BNC2: variants seen among roughly 807,000 people sequenced by gnomAD.
BNC2 encodes basonuclin zinc finger protein 2.
In BNC2, 20 loss-of-function variants were observed where a neutral mutation model predicts 76.3. That is an observed-to-expected ratio of 0.26 (90% CI 0.18 to 0.38). BNC2 has a LOEUF of 0.38. Ranked by LOEUF, BNC2 falls within the 10% of genes least tolerant of loss-of-function variation. The pLI is 1.00. For synonymous variants in BNC2, 582 were observed against 514.8 expected, an observed-to-expected ratio of 1.13 and a Z score of -1.77; for missense variants, 1,382 against 1,399.8, an observed-to-expected ratio of 0.99 and a Z score of 0.20.
chr9:16,417,437 A>T lies in BNC2; in HGVS notation c.*1552T>A, dbSNP rs777218610. 1 of 152,178 alleles carries T rather than the reference A, an allele frequency of 6.6e-6. No homozygotes were observed. The highest frequency in any genetic ancestry group is 2.4e-5 in the African/African-American group (1 of 41,538). The allele number at this position is 152,178 out of a possible 1,614,324, so 9.4% of individuals were successfully genotyped here. A position where few individuals can be genotyped will look rare whatever the true frequency, so the allele number is the denominator to read the frequency against. On this transcript the variant is annotated 3_prime_UTR_variant, in exon 7 of 7. Coordinates refer to ENST00000380672, the MANE Select transcript of BNC2 (RefSeq NM_017637.6). The stretch of plus-strand genomic sequence containing the variant: ...TGTGGGGAAACACAAAACACTGAAC[A>T]TTGAGAGATCCTGCTTTAAAACCCC...
intron 4 of BNC2, among the ~76,000 whole-genome samples, chr9:16,559,183 T>C (rs974082405): frequency 6.6e-6 from 1 of 152,196 alleles, no homozygotes; most frequent in Non-Finnish European, 1.5e-5. Flanking sequence ...TCAGGCATCA[T>C]TCTAGAGCAA....
At chr9:16,735,416 A>G (rs1345246505) in intron 2 of BNC2, among the ~76,000 whole-genome samples, 2 of 152,178 alleles carry the variant, frequency 1.3e-5, no homozygotes, top group African/African-American at 4.8e-5. Context: ...AAAAAAAAAA[A>G]ACAGGCTGGG....
chr9:16,638,042 G>A (rs1821379064), intron 3 of BNC2, among the ~76,000 whole-genome samples: 1 of 152,196 alleles, frequency 6.6e-6, no homozygotes, highest in Non-Finnish European at 1.5e-5. Flanking sequence ...ACTCCGAGCA[G>A]GATTGGATCC....
At chr9:16,480,362 C>G (rs1295808026) in intron 5 of BNC2, among the ~76,000 whole-genome samples, 2 of 152,228 alleles carry the variant, frequency 1.3e-5, no homozygotes, top group East Asian at 3.9e-4. Context: ...CCTCACAGCC[C>G]TCGCTCACTC....
intron 3 of BNC2, among the ~76,000 whole-genome samples, chr9:16,679,814 T>G (rs989705648): frequency 6.6e-6 from 1 of 152,264 alleles, no homozygotes; most frequent in African/African-American, 2.4e-5. Context: ...TCGGAGGAAC[T>G]TGGCTCCTGC....
intron 5 of BNC2, among the ~76,000 whole-genome samples, chr9:16,480,366 C>T (rs923107663): frequency 2.0e-5 from 3 of 152,242 alleles, no homozygotes; most frequent in African/African-American, 7.2e-5. Flanking sequence ...ACAGCCCTCG[C>T]TCACTCTCGG....
In BNC2 at chr9:16,738,503, A is replaced by G. The variant is rs774077278; in HGVS notation, c.4-18T>C. ...AGGTGTGCCTATTGAGAGATTGGGA[A>G]AGGAAATTACATATGCCCAGACAGT... On this transcript the variant is annotated intron_variant, in intron 1 of 6. Transcript: ENST00000380672. 6.2e-7 allele frequency: 1 copy of G among 1,613,674 alleles called. No individual in the cohort carries two copies. The highest frequency in any genetic ancestry group is 1.1e-5 in the South Asian group (1 of 90,976).
chr9:16,690,406 G>T (rs945306422), intron 3 of BNC2, among the ~76,000 whole-genome samples: 5 of 152,130 alleles, frequency 3.3e-5, no homozygotes, highest in African/African-American at 1.2e-4. Flanking sequence ...AAAAGGAGCC[G>T]TGAGTGTGCC....
At chr9:16,524,977 G>A (rs546416830) in intron 5 of BNC2, among the ~76,000 whole-genome samples, 1 of 151,600 alleles carries the variant, frequency 6.6e-6, no homozygotes, top group East Asian at 1.9e-4. Context: ...GAAGGCTAAG[G>A]TGGGAGGATC....
At chr9:16,600,831 A>C (rs1293415588) in intron 3 of BNC2, among the ~76,000 whole-genome samples, 2 of 152,226 alleles carry the variant, frequency 1.3e-5, no homozygotes, top group African/African-American at 4.8e-5. Flanking sequence ...CACCTGAGCT[A>C]GTAACCTGAG....
At chr9:16,603,960 CTCAAA>C (rs1820311214) in intron 3 of BNC2, among the ~76,000 whole-genome samples, 1 of 151,596 alleles carries the variant, frequency 6.6e-6, no homozygotes, top group South Asian at 2.1e-4. Context: ...TTTTTCTTTC[CTCAAA>C]TCAAAAAGAT....
At chr9:16,695,949 T>C (rs928216200) in intron 3 of BNC2, among the ~76,000 whole-genome samples, 5 of 152,188 alleles carry the variant, frequency 3.3e-5, no homozygotes, top group Middle Eastern at 3.2e-3. Flanking sequence ...CATAAGCCCA[T>C]TAACAAAGAC....
intron 5 of BNC2, among the ~76,000 whole-genome samples, chr9:16,518,464 C>T (rs1011265888): frequency 3.3e-5 from 5 of 151,902 alleles, no homozygotes; most frequent in Non-Finnish European, 5.9e-5. Flanking sequence ...AGAAAACATG[C>T]CTTTTAGGTA....
At chr9:16,860,204 A>G (rs1045629574) in intron 1 of BNC2, among the ~76,000 whole-genome samples, 2 of 152,234 alleles carry the variant, frequency 1.3e-5, no homozygotes, top group Non-Finnish European at 2.9e-5. Context: ...TCAACTTCTA[A>G]GGAACTAAGA....
At chr9:16,686,065 A>C (rs1409965988) in intron 3 of BNC2, among the ~76,000 whole-genome samples, 1 of 152,162 alleles carries the variant, frequency 6.6e-6, no homozygotes, top group African/African-American at 2.4e-5. Context: ...AAATACATTC[A>C]ACAATGCCTA....
intron 3 of BNC2, among the ~76,000 whole-genome samples, chr9:16,703,805 T>A (rs1823583828): frequency 6.6e-6 from 1 of 152,184 alleles, no homozygotes; most frequent in Non-Finnish European, 1.5e-5. Context: ...TTTTGTTACA[T>A]GACTTTCTGA....
chr9:16,856,497 T>G (rs1008842574), intron 1 of BNC2, among the ~76,000 whole-genome samples: 1 of 152,146 alleles, frequency 6.6e-6, no homozygotes, highest in African/African-American at 2.4e-5. Context: ...GGACTTGTAC[T>G]TCTAGACTCA....
At chr9:16,699,596 A>C (rs192594490) in intron 3 of BNC2, among the ~76,000 whole-genome samples, 3 of 152,368 alleles carry the variant, frequency 2.0e-5, no homozygotes, top group Admixed American at 2.0e-4. Context: ...ACAGATACCA[A>C]GTGCAAACTG....
At chr9:16,778,807 A>T (rs1826039323) in intron 1 of BNC2, among the ~76,000 whole-genome samples, 1 of 152,206 alleles carries the variant, frequency 6.6e-6, no homozygotes, top group Non-Finnish European at 1.5e-5. Context: ...TCCTCTGTTA[A>T]ATACAAAACA....
Sources: gnomAD v4.1 joint callset for allele counts (sites outside exome capture counted in the v4.1 genomes callset) on GRCh38, gnomAD v4.1.1 for gene constraint, MANE v1.5 for transcripts, NCBI Gene and HGNC (gene_info 2026-07-23, HGNC 2026-07-21) for gene names.